Variants in TAF4 observed in about 807,000 individuals in gnomAD.
TAF4 encodes the protein transcription initiation factor TFIID subunit 4.
A neutral mutation model predicts 90.3 loss-of-function variants in TAF4; 9 were observed. The observed-to-expected ratio is 0.10, with a 90% confidence interval of 0.06 to 0.17. The LOEUF (loss-of-function observed/expected upper bound fraction) is 0.17. TAF4 is among the 10% of genes least tolerant of loss of function. TAF4 has a pLI of 1.00. For synonymous variants in TAF4, 818 were observed against 638.9 expected (o/e 1.28, Z -4.23); for missense variants, 1,351 against 1,370.7 (o/e 0.99, Z 0.23).
rs116753037 is a variant in TAF4, at chr20:62,064,349, G to A, written c.1360+102C>T. The A allele has an allele frequency of 4.4e-4, 534 of 1,227,396 alleles. No homozygotes were observed. In the African/African-American group the frequency reaches 6.2e-3, roughly 14 times the overall value. The allele number at this position is 1,227,396 out of a possible 1,614,324, so 76.0% of individuals were successfully genotyped here. On this transcript the variant is annotated intron_variant, in intron 1 of 14. Transcript: ENST00000252996. ...CGGCCTGCTCCAGCCACGGGCCTAC[G>A]GGACAGATGACCTTAGCATTCCACC...
chr20:62,016,567 G>A (rs1391613822), intron 1 of TAF4, among the ~76,000 whole-genome samples: 1 of 152,176 alleles, frequency 6.6e-6, no homozygotes, highest in Non-Finnish European at 1.5e-5. Context: ...GTTTGCCAGG[G>A]GTTCTCAGGC....
chr20:62,051,506 G>A (rs143307256), intron 1 of TAF4, among the ~76,000 whole-genome samples: 2 of 152,152 alleles, frequency 1.3e-5, no homozygotes, highest in South Asian at 2.1e-4. Flanking sequence ...TCGTCATCTC[G>A]GCCCTGCAGC....
chr20:62,062,710 G>A (rs2056096149), intron 1 of TAF4, among the ~76,000 whole-genome samples: 2 of 152,230 alleles, frequency 1.3e-5, no homozygotes, highest in South Asian at 2.1e-4. Context: ...TGAGTCCCAG[G>A]ATCACTCATG....
chr20:62,047,185 CTCT>C (rs764266087), intron 1 of TAF4, among the ~76,000 whole-genome samples: 11 of 152,160 alleles, frequency 7.2e-5, no homozygotes, highest in Non-Finnish European at 1.5e-4. Flanking sequence ...GACAATTACT[CTCT>C]TTTCAGAAGG....
rs1322064288 is a variant in TAF4, at chr20:62,000,353, C to T, written c.2657-99G>A. On this transcript the variant is annotated intron_variant, in intron 10 of 14. Transcript: ENST00000252996. ...CCAGCAGTTACTGCTTTTATACAAC[C>T]CAAGGGGAGCCCAGAAAGGCTGGTG... The T allele has an allele frequency of 2.7e-6, 4 of 1,507,688 alleles. No individual in the cohort carries two copies. In the African/African-American group the frequency reaches 5.6e-5, roughly 21 times the overall value. The allele number at this position is 1,507,688 out of a possible 1,614,324, so 93.4% of individuals were successfully genotyped here.
chr20:61,977,208 CCA>C (rs1261536401), intron 14 of TAF4, among the ~76,000 whole-genome samples: 1 of 143,068 alleles, frequency 7.0e-6, no homozygotes. Context: ...GGGGCGCGCG[CCA>C]CACACACACA....
intron 14 of TAF4, among the ~76,000 whole-genome samples, chr20:61,978,648 A>AGG (rs1568919061): frequency 9.1e-5 from 7 of 76,522 alleles, no homozygotes; most frequent in South Asian, 4.8e-4. Context: ...ACCAAGGCCG[A>AGG]GGGCGAGACC....
chr20:61,991,089 A>G (rs2055628605), intron 14 of TAF4, among the ~76,000 whole-genome samples: 1 of 152,194 alleles, frequency 6.6e-6, no homozygotes. Flanking sequence ...AGAGAAATGG[A>G]AGCCAAAAAG....
intron 3 of TAF4, 170 bp downstream of exon 3, chr20:62,012,645 G>C: frequency 1.1e-6 from 1 of 885,604 alleles, no homozygotes. Flanking sequence ...CTTATCCCAT[G>C]TTGGTGGTCA....
At chr20:62,012,731 ACTC>A in intron 3 of TAF4, 81 bp downstream of exon 3, 1 of 1,344,992 alleles carries the variant, frequency 7.4e-7, no homozygotes. Flanking sequence ...AAAAAAAAAA[ACTC>A]CTAAGGCCTG....
In TAF4 at chr20:61,975,025, C is replaced by G. The variant is rs1396653415; in HGVS notation, c.*1143G>C. The G allele has an allele frequency of 1.3e-5, 2 of 152,404 alleles. No homozygotes were observed. The highest frequency in any genetic ancestry group is 4.8e-5 in the African/African-American group (2 of 41,436). The allele number at this position is 152,404 out of a possible 1,614,324, so 9.4% of individuals were successfully genotyped here. A position where few individuals can be genotyped will look rare whatever the true frequency, so the allele number is the denominator to read the frequency against. On this transcript the variant is annotated 3_prime_UTR_variant, in exon 15 of 15. Coordinates refer to ENST00000252996, the MANE Select transcript of TAF4 (RefSeq NM_003185.4). ...AATACTGATCAGCGTTCAGTTCACACGCGCTCGAATTAAAGTCTAATGTGA... is the reference window on the plus strand; with the variant it reads ...AATACTGATCAGCGTTCAGTTCACAGGCGCTCGAATTAAAGTCTAATGTGA...
rs559188963 is a variant in TAF4 at position 61,988,273 on chromosome 20, G to A, written c.3090+9277C>T. On this transcript the variant is annotated intron_variant, in intron 14 of 14. Coordinates refer to ENST00000252996, the MANE Select transcript of TAF4 (RefSeq NM_003185.4). Reference sequence around the variant, plus strand: ...TAACAAACGCACCACCCGGCCAAGCGGGGGAGGCTGTGCACCTGCAGGGAG... The same window carrying A: ...TAACAAACGCACCACCCGGCCAAGCAGGGGAGGCTGTGCACCTGCAGGGAG... Among the ~76,000 whole-genome samples the A allele has an allele frequency of 2.3e-3, 357 of 152,304 alleles. 2 individuals are homozygous for A. Among genetic ancestry groups the A allele is most frequent in the African/African-American group, 8.2e-3 (341 of 41,568 alleles).
intron 1 of TAF4, among the ~76,000 whole-genome samples, chr20:62,034,726 T>C (rs1293683500): frequency 6.6e-6 from 1 of 152,168 alleles, no homozygotes; most frequent in Non-Finnish European, 1.5e-5. Context: ...GTGTAAGACC[T>C]ATATGAAAAA....
Position 61,995,816 on chromosome 20 carries a change from T to C in TAF4, c.3090+1734A>G, listed in dbSNP as rs1390677064. ...AAGCGGAGCTTGCAGTGAGCCGAGA[T>C]TGCGCCACTGCAGTCCGCAGTCCGG... On this transcript the variant is annotated intron_variant, in intron 14 of 14. Transcript: ENST00000252996. 2.0e-5 allele frequency among the ~76,000 whole-genome samples: 2 copies of C among 100,152 alleles called. 1 individual carries two copies. Among genetic ancestry groups the C allele is most frequent in the African/African-American group, 9.0e-5 (2 of 22,254 alleles). 65.7% of individuals were successfully genotyped at this position (100,152 alleles called of 152,430 possible). A position where few individuals can be genotyped will look rare whatever the true frequency, so the allele number is the denominator to read the frequency against.
chr20:62,052,465 A>C (rs1397106411), intron 1 of TAF4, among the ~76,000 whole-genome samples: 1 of 151,954 alleles, frequency 6.6e-6, no homozygotes, highest in Non-Finnish European at 1.5e-5. Context: ...GCCTCCAGTC[A>C]GCTGAGATCG....
rs186003718 is a variant in TAF4 at position 62,065,802 on chromosome 20, C to T, written c.9G>A (p.Ala3=). MA[A]GSDLLDEVFF... is the part of the protein sequence containing the mutation. ...AGACCTCGTCCAGCAGATCCGAGCC[C>T]GCCGCCATCTTTTTTCCTCGGCCGC... Residue 3 remains alanine (A), a synonymous_variant, in exon 1 of 15, where the codon GCG becomes GCA. Coordinates refer to ENST00000252996, the MANE Select transcript of TAF4 (RefSeq NM_003185.4). 1.2e-4 allele frequency: 150 copies of T among 1,303,584 alleles called. No homozygotes were observed. In the African/African-American group the frequency reaches 2.0e-3, roughly 18 times the overall value. 80.8% of individuals were successfully genotyped at this position (1,303,584 alleles called of 1,614,324 possible).
rs6061974 is a variant in TAF4 at position 62,036,184 on chromosome 20, C to T, written c.1361-21477G>A. Among the ~76,000 whole-genome samples the T allele has an allele frequency of 6.9e-3, 1,056 of 152,232 alleles. 16 individuals carry two copies. The highest frequency in any genetic ancestry group is 0.024 in the African/African-American group (997 of 41,542). On this transcript the variant is annotated intron_variant, in intron 1 of 14. Coordinates refer to ENST00000252996, the MANE Select transcript of TAF4 (RefSeq NM_003185.4). The stretch of plus-strand genomic sequence containing the variant: ...GATTACAGGTACCCGCCATCACAAC[C>T]GGCTAATTTTTTGTATTTTTAGTAG...
chr20:62,013,906 GGTGTGTGT>G lies in TAF4; in HGVS notation c.1521+633_1521+640del, dbSNP rs56801841. ...AGCTTCGGCCCTGAAGGCTGACGCG[GGTGTGTGT>G]GTGTGTGTGTGTGTGTGTGTGTGTG... On this transcript the variant is annotated intron_variant, in intron 2 of 14. Coordinates refer to ENST00000252996, the MANE Select transcript of TAF4 (RefSeq NM_003185.4). 4.1e-3 allele frequency among the ~76,000 whole-genome samples: 438 copies of G among 107,392 alleles called. 3 individuals carry two copies. Among genetic ancestry groups the G allele is most frequent in the Middle Eastern group, 0.01 (2 of 200 alleles). The allele number at this position is 107,392 out of a possible 152,430, so 70.5% of individuals were successfully genotyped here.
chr20:62,053,689 C>T (rs1568943363), intron 1 of TAF4, among the ~76,000 whole-genome samples: 1 of 152,248 alleles, frequency 6.6e-6, no homozygotes, highest in Non-Finnish European at 1.5e-5. Context: ...CCAAACTCAT[C>T]CCCCTGGCCC....
Sources: allele counts gnomAD v4.1 joint callset (sites outside exome capture counted in the v4.1 genomes callset), GRCh38; gene constraint gnomAD v4.1.1; transcripts MANE v1.5; gene names NCBI Gene and HGNC (gene_info 2026-07-23, HGNC 2026-07-21).